SPRED2: variants seen among roughly 807,000 people sequenced by gnomAD.
The protein encoded by SPRED2 is sprouty related EVH1 domain containing 2.
Under a neutral mutation model 43.0 loss-of-function variants are expected in SPRED2, and 47 were observed. The ratio of observed to expected loss-of-function variants is 1.09; its 90% confidence interval spans 0.87 to 1.40. SPRED2 has a LOEUF of 1.40. Among genes scored for constraint, SPRED2 ranks in the 40% most tolerant of loss-of-function variants. SPRED2 has a pLI of 0.00. For missense variants in SPRED2, 561 were observed against 586.4 expected (o/e 0.96, Z 0.45); for synonymous variants, 225 against 225.7 (o/e 1.00, Z 0.03).
At chr2:65,408,270 G>A (rs1168661167) in intron 1 of SPRED2, among the ~76,000 whole-genome samples, 1 of 152,212 alleles carries the variant, frequency 6.6e-6, no homozygotes, top group Non-Finnish European at 1.5e-5. Flanking sequence ...ACTTTCATGT[G>A]CTACATGTAA....
rs1286632853 is a variant in SPRED2, at chr2:65,322,288, A to ATTT, written c.439-5406_439-5405insAAA. On this transcript the variant is annotated intron_variant, in intron 4 of 5. Coordinates refer to ENST00000356388, the MANE Select transcript of SPRED2 (RefSeq NM_181784.3). ...TCTCTCTCTATATATATATATATAT[A>ATTT]TATATATTTTTTTTTTTTTTTTTGA... Among the ~76,000 whole-genome samples, 14 of 88,540 alleles carry ATTT rather than the reference A, an allele frequency of 1.6e-4. 1 individual carries two copies. Among genetic ancestry groups the ATTT allele is most frequent in the African/African-American group, 5.4e-4 (10 of 18,436 alleles). The allele number at this position is 88,540 out of a possible 152,430, so 58.1% of individuals were successfully genotyped here.
intron 1 of SPRED2, among the ~76,000 whole-genome samples, chr2:65,403,001 C>T (rs1253368664): frequency 6.6e-6 from 1 of 152,196 alleles, no homozygotes; most frequent in African/African-American, 2.4e-5. Flanking sequence ...TTTATCGGCA[C>T]AATCTTTCAG....
chr2:65,372,234 G>A (rs938673191), intron 1 of SPRED2, among the ~76,000 whole-genome samples: 3 of 152,172 alleles, frequency 2.0e-5, no homozygotes, highest in Admixed American at 6.5e-5. Context: ...TATCACACCC[G>A]TAAATTCTGT....
chr2:65,307,809 C>G (rs1246941706), downstream of SPRED2, among the ~76,000 whole-genome samples: 1 of 152,198 alleles, frequency 6.6e-6, no homozygotes, highest in Non-Finnish European at 1.5e-5. Flanking sequence ...GCCCTTCATT[C>G]CATGCACCTA....
rs187884956 is a variant in SPRED2, at chr2:65,373,399, C to T, written c.27-28503G>A. 2.7e-3 allele frequency among the ~76,000 whole-genome samples: 414 copies of T among 152,280 alleles called. 2 individuals are homozygous for T. Among genetic ancestry groups the T allele is most frequent in the Admixed American group, 4.8e-3 (74 of 15,300 alleles). On this transcript the variant is annotated intron_variant, in intron 1 of 5. Coordinates refer to ENST00000356388, the MANE Select transcript of SPRED2 (RefSeq NM_181784.3). ...AATGGATTGGGAGGAAAGCTATGTC[C>T]CTGATGCTGGATCTAAGAGACCACA... is the stretch of plus-strand genomic sequence containing the variant.
At chr2:65,310,313 T>C (rs568362366), downstream of SPRED2, among the ~76,000 whole-genome samples, 35 of 152,226 alleles carry the variant, frequency 2.3e-4, no homozygotes, top group African/African-American at 8.2e-4. Flanking sequence ...TCATACTTTA[T>C]TTCCTCCTGG....
intron 3 of SPRED2, among the ~76,000 whole-genome samples, chr2:65,332,660 G>A (rs1475799728): frequency 6.6e-6 from 1 of 152,182 alleles, no homozygotes; most frequent in Non-Finnish European, 1.5e-5. Context: ...GCATCAGTGA[G>A]TTTGCTTTGT....
At chr2:65,408,450 G>C (rs1233822848) in intron 1 of SPRED2, among the ~76,000 whole-genome samples, 1 of 152,144 alleles carries the variant, frequency 6.6e-6, no homozygotes, top group Non-Finnish European at 1.5e-5. Flanking sequence ...GGAATTCCTT[G>C]TATCCCTTCT....
intron 1 of SPRED2, among the ~76,000 whole-genome samples, chr2:65,363,301 A>G (rs1558669766): frequency 6.6e-6 from 1 of 151,770 alleles, no homozygotes; most frequent in Non-Finnish European, 1.5e-5. Flanking sequence ...CAACTATGCC[A>G]CATATAGCTC....
At chr2:65,314,202 G>A in intron 5 of SPRED2, 33 bp from the exon 6 acceptor site, 1 of 1,531,296 alleles carries the variant, frequency 6.5e-7, no homozygotes, top group Non-Finnish European at 8.8e-7. Context: ...TTATTTTACA[G>A]CAGCGGCCAA....
At chr2:65,378,776 G>A (rs1298695844) in intron 1 of SPRED2, among the ~76,000 whole-genome samples, 1 of 152,102 alleles carries the variant, frequency 6.6e-6, no homozygotes, top group East Asian at 1.9e-4. Context: ...ATCACCTGGA[G>A]GGGTTACTTT....
At chr2:65,328,553 G>A (rs751261595) in intron 4 of SPRED2, among the ~76,000 whole-genome samples, 4 of 152,162 alleles carry the variant, frequency 2.6e-5, no homozygotes, top group Non-Finnish European at 2.9e-5. Context: ...ATGCAGTCAC[G>A]TATCCAGGAG....
At chr2:65,316,188 G>A (rs1673226973) in intron 5 of SPRED2, among the ~76,000 whole-genome samples, 1 of 152,240 alleles carries the variant, frequency 6.6e-6, no homozygotes, top group African/African-American at 2.4e-5. Context: ...GCAGCCACTT[G>A]GTAAATATTT....
At chr2:65,359,339 G>T (rs1674741564) in intron 1 of SPRED2, among the ~76,000 whole-genome samples, 1 of 152,164 alleles carries the variant, frequency 6.6e-6, no homozygotes, top group Admixed American at 6.6e-5. Context: ...TAGCTACCAA[G>T]CTTCCTCAGT....
chr2:65,415,736 A>AT (rs906025367), intron 1 of SPRED2, among the ~76,000 whole-genome samples: 3 of 151,734 alleles, frequency 2.0e-5, no homozygotes, highest in East Asian at 1.9e-4. Context: ...TTATTTTTTA[A>AT]TTTTTTTTAT....
intron 1 of SPRED2, among the ~76,000 whole-genome samples, chr2:65,408,097 G>A (rs953877330): frequency 6.6e-6 from 1 of 152,138 alleles, no homozygotes; most frequent in African/African-American, 2.4e-5. Flanking sequence ...TTGCCTGCTG[G>A]TTCCATCTTC....
At chr2:65,346,374 G>A (rs746321168) in intron 1 of SPRED2, among the ~76,000 whole-genome samples, 3 of 150,316 alleles carry the variant, frequency 2.0e-5, no homozygotes, top group Admixed American at 1.3e-4. Context: ...AAAATTTCCC[G>A]CTTTAACCAT....
At chr2:65,401,521 C>T (rs1057444838) in intron 1 of SPRED2, among the ~76,000 whole-genome samples, 2 of 151,730 alleles carry the variant, frequency 1.3e-5, no homozygotes, top group Non-Finnish European at 2.9e-5. Context: ...ATTGGCCAGG[C>T]GCGGTGGCTC....
intron 4 of SPRED2, among the ~76,000 whole-genome samples, chr2:65,325,815 C>A (rs2104172264): frequency 6.6e-6 from 1 of 152,164 alleles, no homozygotes; most frequent in East Asian, 1.9e-4. Context: ...TAGAAAATAT[C>A]TTTGTAAAAA....
Sources: allele counts gnomAD v4.1 joint callset (sites outside exome capture counted in the v4.1 genomes callset), GRCh38; gene constraint gnomAD v4.1.1; transcripts MANE v1.5; gene names NCBI Gene and HGNC (gene_info 2026-07-23, HGNC 2026-07-21).